The following KCNG3 variants were observed in gnomAD, a reference collection of about 807,000 sequenced individuals.
The protein encoded by KCNG3 is potassium voltage-gated channel modifier subfamily G member 3.
In KCNG3, 15 loss-of-function variants were observed where a neutral mutation model predicts 29.0. The ratio of observed to expected loss-of-function variants is 0.52; its 90% CI spans 0.35 to 0.80. KCNG3 has a LOEUF of 0.80. Among genes scored for constraint, KCNG3 ranks in the 30% least tolerant of loss-of-function variants. The pLI is 0.01. For synonymous variants in KCNG3, 322 were observed against 248.9 expected (o/e 1.29, Z -2.76); for missense variants, 512 against 605.7 (o/e 0.85, Z 1.62).
intron 1 of KCNG3, among the ~76,000 whole-genome samples, chr2:42,461,192 A>AAC (rs1558379718): frequency 1.3e-5 from 2 of 148,498 alleles, no homozygotes; most frequent in African/African-American, 5.1e-5. Flanking sequence ...CAAAAAAAAA[A>AAC]AAAAAAAAAA....
chr2:42,399,475 G>A, the KCNG3 span, among the ~76,000 whole-genome samples: 1 of 152,162 alleles, frequency 6.6e-6, no homozygotes, highest in South Asian at 2.1e-4. Flanking sequence ...CAGAGCTACT[G>A]ACATGTTATA....
intron 1 of KCNG3, among the ~76,000 whole-genome samples, chr2:42,454,153 A>T (rs1672826846): frequency 1.3e-5 from 2 of 151,908 alleles, no homozygotes; most frequent in South Asian, 4.1e-4. Context: ...TGTTGGTAGG[A>T]TTGTAAAAGG....
At chr2:42,445,246 T>A (rs1395206776) in intron 1 of KCNG3, among the ~76,000 whole-genome samples, 1 of 152,168 alleles carries the variant, frequency 6.6e-6, no homozygotes, top group Non-Finnish European at 1.5e-5. Flanking sequence ...AACTTACTCT[T>A]GCAGGACAGT....
At chr2:42,490,255 A>C (rs1404083436) in intron 1 of KCNG3, among the ~76,000 whole-genome samples, 1 of 152,104 alleles carries the variant, frequency 6.6e-6, no homozygotes, top group Non-Finnish European at 1.5e-5. Context: ...ATGGTTGTAC[A>C]GGTTGCATTA....
At chr2:42,470,959 C>T (rs1673269920) in intron 1 of KCNG3, among the ~76,000 whole-genome samples, 1 of 152,092 alleles carries the variant, frequency 6.6e-6, no homozygotes, top group African/African-American at 2.4e-5. Flanking sequence ...CGAGACCAGC[C>T]TGGGCAACAC....
chr2:42,432,143 G>C, the KCNG3 span, among the ~76,000 whole-genome samples: 11 of 152,140 alleles, frequency 7.2e-5, no homozygotes, highest in African/African-American at 2.6e-4. Context: ...GGCAAGGCCC[G>C]TTGATGGTCA....
chr2:42,470,939 A>C (rs1450354555), intron 1 of KCNG3, among the ~76,000 whole-genome samples: 3 of 151,926 alleles, frequency 2.0e-5, no homozygotes, highest in African/African-American at 7.3e-5. Context: ...TGGAAGGATC[A>C]CTTGAGGATC....
chr2:42,447,357 T>C (rs1300540500), intron 1 of KCNG3, among the ~76,000 whole-genome samples: 2 of 152,074 alleles, frequency 1.3e-5, no homozygotes, highest in Non-Finnish European at 2.9e-5. Flanking sequence ...TTACACTAAT[T>C]GCCCTGCCTC....
the KCNG3 span, among the ~76,000 whole-genome samples, chr2:42,394,844 A>G: frequency 4.6e-5 from 7 of 152,242 alleles, no homozygotes; most frequent in South Asian, 2.1e-4. Context: ...CCTTGGCAAC[A>G]TAAACTTTCT....
At chr2:42,465,088 T>C (rs1673107132) in intron 1 of KCNG3, among the ~76,000 whole-genome samples, 2 of 152,270 alleles carry the variant, frequency 1.3e-5, no homozygotes, top group South Asian at 4.1e-4. Flanking sequence ...ATTTTAACAA[T>C]TAGAGATAAT....
At chr2:42,400,044 G>A in the KCNG3 span, among the ~76,000 whole-genome samples, 5 of 152,134 alleles carry the variant, frequency 3.3e-5, no homozygotes, top group East Asian at 1.9e-4. Context: ...GGAAGGTCGC[G>A]GCTGCAGTGA....
chr2:42,389,734 C>T, the KCNG3 span, among the ~76,000 whole-genome samples: 2 of 152,196 alleles, frequency 1.3e-5, no homozygotes, highest in African/African-American at 4.8e-5. Flanking sequence ...AAACTGCAGA[C>T]TTTACTCACA....
the KCNG3 span, among the ~76,000 whole-genome samples, chr2:42,414,657 T>G: frequency 6.6e-6 from 1 of 152,158 alleles, no homozygotes; most frequent in Admixed American, 6.6e-5. Context: ...CTATTCTATC[T>G]TCAAATATTG....
At chr2:42,393,483 C>T in the KCNG3 span, among the ~76,000 whole-genome samples, 1 of 151,998 alleles carries the variant, frequency 6.6e-6, no homozygotes, top group Non-Finnish European at 1.5e-5. Context: ...ACTGATTAAA[C>T]CCAGGAGGCA....
the KCNG3 span, among the ~76,000 whole-genome samples, chr2:42,434,473 AAAAAAAAAAAAAAG>A: frequency 6.7e-6 from 1 of 148,816 alleles, no homozygotes; most frequent in East Asian, 1.9e-4. Context: ...AAAAAAAAAA[AAAAAAAAAAAAAAG>A]AGAGAGAGAG....
chr2:42,429,498 G>A, the KCNG3 span, among the ~76,000 whole-genome samples: 2 of 152,206 alleles, frequency 1.3e-5, no homozygotes, highest in African/African-American at 4.8e-5. Context: ...ATACCAGACA[G>A]GTCAATCACT....
intron 1 of KCNG3, among the ~76,000 whole-genome samples, chr2:42,485,584 A>G (rs1272314365): frequency 6.6e-6 from 1 of 151,960 alleles, no homozygotes; most frequent in Non-Finnish European, 1.5e-5. Flanking sequence ...AGCTCGGACT[A>G]CAGGCGCCCG....
intron 1 of KCNG3, chr2:42,469,934 GC>G: frequency 3.0e-6 from 1 of 329,910 alleles, no homozygotes; most frequent in Non-Finnish European, 5.6e-6. Context: ...TTACAAACTG[GC>G]CAACAAGGCC....
intron 1 of KCNG3, among the ~76,000 whole-genome samples, chr2:42,473,763 A>G (rs1192182845): frequency 6.6e-6 from 1 of 152,208 alleles, no homozygotes; most frequent in Non-Finnish European, 1.5e-5. Flanking sequence ...CGGTTTTTAA[A>G]TGCTTAAATT....
Sources: allele counts gnomAD v4.1 joint callset (sites outside exome capture counted in the v4.1 genomes callset), GRCh38; gene constraint gnomAD v4.1.1; transcripts MANE v1.5; gene names NCBI Gene and HGNC (gene_info 2026-07-23, HGNC 2026-07-21).